The following ITSN2 variants were observed in gnomAD, a reference collection of about 807,000 sequenced individuals.
The protein encoded by ITSN2 is intersectin 2.
A neutral mutation model predicts 243.7 loss-of-function variants in ITSN2; 156 were observed. That is an observed-to-expected ratio of 0.64 (90% confidence interval 0.56 to 0.73). ITSN2 has a LOEUF of 0.73. ITSN2 is among the 30% of genes least tolerant of loss of function. ITSN2 has a pLI of 0.00. For missense variants in ITSN2, 1,801 were observed against 1,996.1 expected (o/e 0.90, Z 1.86); for synonymous variants, 703 against 699.9 (o/e 1.00, Z -0.07).
At chr2:24,302,880 CA>C (rs1681961392) in intron 9 of ITSN2, among the ~76,000 whole-genome samples, 1 of 152,144 alleles carries the variant, frequency 6.6e-6, no homozygotes, top group African/African-American at 2.4e-5. Context: ...TATCAGTCAA[CA>C]ATGGACTGCA....
intron 16 of ITSN2, among the ~76,000 whole-genome samples, chr2:24,285,348 T>C (rs1224745024): frequency 1.3e-5 from 2 of 152,224 alleles, no homozygotes; most frequent in Admixed American, 6.5e-5. Flanking sequence ...TCAAATTCCC[T>C]TTCCTTACCT....
At chr2:24,241,388 G>A (rs779189429) in intron 29 of ITSN2, 8 of 152,084 alleles carry the variant, frequency 5.3e-5, no homozygotes, top group South Asian at 2.1e-4. Context: ...GAATACACAC[G>A]CTGCAGCACA....
intron 18 of ITSN2, among the ~76,000 whole-genome samples, chr2:24,272,960 T>C (rs1677554686): frequency 6.6e-6 from 1 of 152,106 alleles, no homozygotes; most frequent in Non-Finnish European, 1.5e-5. Flanking sequence ...TACTCAGAGG[T>C]AGAGCTGCCA....
chr2:24,205,403 G>A lies in ITSN2; in HGVS notation c.4679-106C>T. 4 of 911,618 alleles carry A rather than the reference G, an allele frequency of 4.4e-6. No individual in the cohort carries two copies. The South Asian group carries it at 5.6e-5, about 13-fold the overall frequency. The allele number at this position is 911,618 out of a possible 1,614,324, so 56.5% of individuals were successfully genotyped here. A position where few individuals can be genotyped will look rare whatever the true frequency, so the allele number is the denominator to read the frequency against. Reference sequence around the variant, plus strand: ...CGGCTCCCTGTCCCCATCTGCCACTGCCCTGGGCCCAACAGCCCAGCATCT... The same window carrying A: ...CGGCTCCCTGTCCCCATCTGCCACTACCCTGGGCCCAACAGCCCAGCATCT... On this transcript the variant is annotated intron_variant, in intron 37 of 39. Transcript: ENST00000355123.
At chr2:24,257,737 G>T in intron 23 of ITSN2, 151 bp downstream of exon 23, 1 of 658,570 alleles carries the variant, frequency 1.5e-6, no homozygotes, top group Non-Finnish European at 2.6e-6. Context: ...GATTACAGGT[G>T]TGAGCCACCA....
chr2:24,210,432 T>G, intron 34 of ITSN2: 1 of 281,496 alleles, frequency 3.6e-6, no homozygotes, highest in Non-Finnish European at 6.7e-6. Context: ...GCCAACATGG[T>G]GAAACCCCAG....
At chr2:24,292,065 G>A (rs1680322515) in intron 15 of ITSN2, among the ~76,000 whole-genome samples, 1 of 152,122 alleles carries the variant, frequency 6.6e-6, no homozygotes, top group African/African-American at 2.4e-5. Context: ...AGGAAAGAAT[G>A]CATCAAAACT....
chr2:24,281,644 T>A (rs1678791448), intron 17 of ITSN2, among the ~76,000 whole-genome samples: 1 of 152,210 alleles, frequency 6.6e-6, no homozygotes, highest in Admixed American at 6.5e-5. Context: ...ATACATCACC[T>A]CCAACTTCAA....
chr2:24,231,040 C>T (rs970202752), intron 29 of ITSN2, among the ~76,000 whole-genome samples: 2 of 151,896 alleles, frequency 1.3e-5, no homozygotes, highest in Non-Finnish European at 1.5e-5. Context: ...TCCAGATATC[C>T]GCATGGCTCC....
At chr2:24,326,169 A>G (rs1046464057) in intron 2 of ITSN2, among the ~76,000 whole-genome samples, 1 of 152,198 alleles carries the variant, frequency 6.6e-6, no homozygotes, top group Non-Finnish European at 1.5e-5. Context: ...CAGTCTACAT[A>G]TGCAATTAAT....
intron 14 of ITSN2, among the ~76,000 whole-genome samples, chr2:24,294,262 C>A (rs1046700891): frequency 1.3e-5 from 2 of 152,106 alleles, no homozygotes; most frequent in Admixed American, 6.5e-5. Context: ...CCCGTCTCCA[C>A]GAAAAACACA....
intron 11 of ITSN2, among the ~76,000 whole-genome samples, chr2:24,300,649 G>A (rs1027934873): frequency 2.6e-5 from 4 of 151,980 alleles, no homozygotes; most frequent in Non-Finnish European, 5.9e-5. Context: ...AACCCAGGAG[G>A]CGGAAGTTGC....
At chr2:24,279,808 C>T (rs1184299364) in intron 17 of ITSN2, among the ~76,000 whole-genome samples, 1 of 146,840 alleles carries the variant, frequency 6.8e-6, no homozygotes, top group Admixed American at 6.8e-5. Context: ...TCTCACCTCA[C>T]TACAACCTCC....
rs1450036443 is a variant in ITSN2 at position 24,204,668 on chromosome 2, C to G, written c.4763-250G>C. 1.6e-6 allele frequency: 1 copy of G among 611,440 alleles called. No individual in the cohort carries two copies. Among genetic ancestry groups the G allele is most frequent in the Non-Finnish European group, 3.1e-6 (1 of 326,960 alleles). The allele number at this position is 611,440 out of a possible 1,614,324, so 37.9% of individuals were successfully genotyped here. ...CCAGGACCACTCCGCACGGAACAAT[C>G]CTGGGTGAGTGTCACTGCAACCTGC... On this transcript the variant is annotated intron_variant, in intron 38 of 39. Coordinates refer to ENST00000355123, the MANE Select transcript of ITSN2 (RefSeq NM_006277.3). The surrounding 1 kb of genome is among the most constrained non-coding windows in gnomAD (Gnocchi z 5.1).
At chr2:24,237,738 TCC>T (rs1672326533) in intron 29 of ITSN2, among the ~76,000 whole-genome samples, 1 of 152,120 alleles carries the variant, frequency 6.6e-6, no homozygotes, top group Non-Finnish European at 1.5e-5. Context: ...CCCTCAGAAC[TCC>T]GTTTCATCAT....
chr2:24,337,329 T>TACATATATATAC (rs1435357275), intron 1 of ITSN2, among the ~76,000 whole-genome samples: 1 of 94,462 alleles, frequency 1.1e-5, no homozygotes, highest in Non-Finnish European at 2.1e-5. Context: ...TATATATATA[T>TACATATATATAC]ATATATATAT....
At chr2:24,313,048 A>G (rs1014965422) in intron 4 of ITSN2, among the ~76,000 whole-genome samples, 1 of 151,882 alleles carries the variant, frequency 6.6e-6, no homozygotes, top group Non-Finnish European at 1.5e-5. Flanking sequence ...AATTTGCTCA[A>G]TAAAATTTAT....
rs371011890 is a variant in ITSN2, at chr2:24,261,746, C to T, written c.2356-4G>A. ...CTCCTACGGTTTTTTCATCAACCTA[C>T]GGAAATAAAAAGAAGGATTAACAGT... On this transcript the variant is annotated splice_region_variant and splice_polypyrimidine_tract_variant and intron_variant, in intron 20 of 39. Transcript: ENST00000355123. 3.3e-4 allele frequency: 523 copies of T among 1,606,072 alleles called. No homozygotes were observed. The highest frequency in any genetic ancestry group is 8.3e-4 in the Middle Eastern group (5 of 6,038).
At chr2:24,247,596 T>C (rs986770090) in intron 27 of ITSN2, among the ~76,000 whole-genome samples, 3 of 152,124 alleles carry the variant, frequency 2.0e-5, no homozygotes, top group African/African-American at 7.2e-5. Flanking sequence ...AAGTAAACAT[T>C]AAACAACTGG....
Sources: allele counts gnomAD v4.1 joint callset (sites outside exome capture counted in the v4.1 genomes callset), GRCh38; gene constraint gnomAD v4.1.1; non-coding constraint Gnocchi (gnomAD v3.1); transcripts MANE v1.5; gene names NCBI Gene and HGNC (gene_info 2026-07-23, HGNC 2026-07-21).